Variants in ARGLU1 observed in about 807,000 individuals in gnomAD.
ARGLU1 encodes arginine and glutamate-rich protein 1.
ARGLU1 carries 9 observed loss-of-function variants against 37.6 expected under a neutral mutation model. That is an observed-to-expected ratio of 0.24 (90% CI 0.14 to 0.42). The LOEUF is 0.42. Ranked by LOEUF, ARGLU1 falls within the 10% of genes least tolerant of loss-of-function variation. The probability of loss-of-function intolerance (pLI) is 1.00; values close to 1 mark genes in which losing one functional copy is unlikely to be tolerated. For synonymous variants in ARGLU1, 166 were observed against 138.5 expected, an observed-to-expected ratio of 1.20 and a Z score of -1.39; for missense variants, 211 against 359.2, an observed-to-expected ratio of 0.59 and a Z score of 3.34.
chr13:106,563,041 T>TA (rs1269678833), intron 1 of ARGLU1, among the ~76,000 whole-genome samples: 3 of 146,854 alleles, frequency 2.0e-5, no homozygotes, highest in African/African-American at 7.4e-5. Flanking sequence ...CACTGAACTT[T>TA]AAAATGCTAA....
At chr13:106,556,242 G>A (rs754704564) in intron 3 of ARGLU1, among the ~76,000 whole-genome samples, 4 of 152,052 alleles carry the variant, frequency 2.6e-5, no homozygotes, top group Non-Finnish European at 1.5e-5. Flanking sequence ...ATTCCATTAT[G>A]GCCTTCACAA....
intron 3 of ARGLU1, among the ~76,000 whole-genome samples, chr13:106,549,212 A>G (rs1343620232): frequency 6.6e-6 from 1 of 152,246 alleles, no homozygotes; most frequent in Non-Finnish European, 1.5e-5. Context: ...TTTGAAATAT[A>G]TGTAACTTTA....
chr13:106,564,748 T>C (rs1450914977), intron 1 of ARGLU1, among the ~76,000 whole-genome samples: 2 of 152,178 alleles, frequency 1.3e-5, no homozygotes, highest in Non-Finnish European at 2.9e-5. Context: ...GGCTTCAGTC[T>C]CACATGATCA....
At chr13:106,554,305 AT>A (rs527701342) in intron 3 of ARGLU1, among the ~76,000 whole-genome samples, 79 of 152,276 alleles carry the variant, frequency 5.2e-4, no homozygotes, top group African/African-American at 1.8e-3. Context: ...ATCACCCTTC[AT>A]CATTCATCAC....
At chr13:106,558,050 T>C (rs1344970544) in intron 2 of ARGLU1, 6 of 985,348 alleles carry the variant, frequency 6.1e-6, no homozygotes, top group Non-Finnish European at 7.2e-6. Flanking sequence ...GCTTGAGCAG[T>C]GTTCAGATCA....
intron 3 of ARGLU1, among the ~76,000 whole-genome samples, chr13:106,555,249 C>T (rs1306503153): frequency 2.0e-5 from 3 of 152,024 alleles, no homozygotes; most frequent in South Asian, 2.1e-4. Context: ...CTCAGCTACT[C>T]GGGAGGCTGA....
At chr13:106,553,289 T>C (rs1880581068) in intron 3 of ARGLU1, among the ~76,000 whole-genome samples, 1 of 152,230 alleles carries the variant, frequency 6.6e-6, no homozygotes, top group African/African-American at 2.4e-5. Flanking sequence ...ATTTTGTATT[T>C]AGCTACCTCC....
Position 106,559,644 on chromosome 13 carries a change from T to C in ARGLU1, c.361A>G (p.Ile121Val). Residue 121 changes from isoleucine to valine, a missense_variant, in exon 2 of 4, where the codon ATA becomes GTA. By Grantham distance (29) the Ile-to-Val change is conservative (BLOSUM62 3). This residue lies in a region of ARGLU1 where 130 missense variants were observed against 179.8 expected (regional missense o/e 0.72). Transcript: ENST00000400198. ...TCTTCCTCGATGAGTTTTTCTTCTATTTCTTGCTGTCGACTAGCAAACAAA... is the reference window on the plus strand; with the variant it reads ...TCTTCCTCGATGAGTTTTTCTTCTACTTCTTGCTGTCGACTAGCAAACAAA... ...ERQRKIRQQEIEEKLIEEETA... is the reference protein window; with the variant it reads ...ERQRKIRQQEVEEKLIEEETA... The C allele has an allele frequency of 1.9e-6, 3 of 1,611,598 alleles. No homozygotes were observed. The South Asian group carries it at 3.3e-5, about 18-fold the overall frequency.
At chr13:106,560,837 A>T (rs1457204048) in intron 1 of ARGLU1, among the ~76,000 whole-genome samples, 3 of 152,158 alleles carry the variant, frequency 2.0e-5, no homozygotes, top group Non-Finnish European at 4.4e-5. Context: ...TATATATGAG[A>T]ATCATTCAAT....
chr13:106,566,962 G>A (rs572112400), intron 1 of ARGLU1, among the ~76,000 whole-genome samples: 8 of 151,976 alleles, frequency 5.3e-5, no homozygotes, highest in African/African-American at 1.7e-4. Context: ...TCTCAAGGAA[G>A]GGGTGAGGGT....
At chr13:106,550,911 C>T (rs928194765) in intron 3 of ARGLU1, among the ~76,000 whole-genome samples, 1 of 152,172 alleles carries the variant, frequency 6.6e-6, no homozygotes, top group Non-Finnish European at 1.5e-5. Context: ...TGTCATGTGT[C>T]TTTTTCAGTA....
Position 106,568,095 on chromosome 13 carries a change from A to C in ARGLU1, c.-176T>G. The stretch of plus-strand genomic sequence containing the variant: ...ACAGCTGCCACGAAGGCCGCCTCCA[A>C]CGAGAAACCCGTAGCGCCAGGCGCC... On this transcript the variant is annotated 5_prime_UTR_variant, in exon 1 of 4. Coordinates refer to ENST00000400198, the MANE Select transcript of ARGLU1 (RefSeq NM_018011.4). 1 of 984,886 alleles carries C rather than the reference A, an allele frequency of 1.0e-6. No individual in the cohort carries two copies. Among genetic ancestry groups the C allele is most frequent in the Non-Finnish European group, 1.4e-6 (1 of 714,094 alleles). The allele number at this position is 984,886 out of a possible 1,614,324, so 61.0% of individuals were successfully genotyped here.
rs559569715 is a variant in ARGLU1 at position 106,564,382 on chromosome 13, CAAG to C, written c.347+3188_347+3190del. ...TATCTCCATTTCACAGATTTAAAAA[CAAG>C]GTTAGAGGGAGGTGATTTATTCAGC... On this transcript the variant is annotated intron_variant, in intron 1 of 3. Transcript: ENST00000400198. Among the ~76,000 whole-genome samples, 48 of 152,290 alleles carry C rather than the reference CAAG, an allele frequency of 3.2e-4. No homozygotes were observed. In the East Asian group the frequency reaches 6.4e-3, roughly 20 times the overall value.
At chr13:106,558,100 T>A in intron 2 of ARGLU1, 1 of 985,226 alleles carries the variant, frequency 1.0e-6, no homozygotes, top group Non-Finnish European at 1.2e-6. Flanking sequence ...TTGGAAAGAC[T>A]GTCAGAGGGT....
rs1002724622 is a variant in ARGLU1 at position 106,557,267 on chromosome 13, G to C, written c.574-136C>G. On this transcript the variant is annotated intron_variant, in intron 2 of 3. Coordinates refer to ENST00000400198, the MANE Select transcript of ARGLU1 (RefSeq NM_018011.4). The surrounding 1 kb of genome is among the most constrained non-coding windows in gnomAD (Gnocchi z 5.0). ...TATAGCTACCTTCTGTCTGACAAAT[G>C]ATAAACTGTGCAGTCACTAAAATTG... 1.1e-5 allele frequency: 9 copies of C among 799,814 alleles called. No homozygotes were observed. Among genetic ancestry groups the C allele is most frequent in the African/African-American group, 1.7e-5 (1 of 57,232 alleles). The allele number at this position is 799,814 out of a possible 1,614,324, so 49.5% of individuals were successfully genotyped here. A position where few individuals can be genotyped will look rare whatever the true frequency, so the allele number is the denominator to read the frequency against.
rs114404315 is a variant in ARGLU1 at position 106,549,138 on chromosome 13, T to C, written c.658-4978A>G. Among the ~76,000 whole-genome samples, 274 of 152,306 alleles carry C rather than the reference T, an allele frequency of 1.8e-3. 2 individuals carry two copies. Among genetic ancestry groups the C allele is most frequent in the African/African-American group, 6.4e-3 (267 of 41,552 alleles). ...TCTCCTTCTTAAACTGTCCATAAAT[T>C]TAATCAAGGTAGTTCTTAGCAACAG... is the stretch of plus-strand genomic sequence containing the variant. On this transcript the variant is annotated intron_variant, in intron 3 of 3. Transcript: ENST00000400198.
At chr13:106,554,923 A>G (rs1008426224) in intron 3 of ARGLU1, among the ~76,000 whole-genome samples, 1 of 152,070 alleles carries the variant, frequency 6.6e-6, no homozygotes, top group African/African-American at 2.4e-5. Flanking sequence ...GTATCAATTT[A>G]CTACGCTCCC....
intron 2 of ARGLU1, chr13:106,558,154 G>A (rs957747128): frequency 2.0e-6 from 2 of 984,700 alleles, no homozygotes; most frequent in Non-Finnish European, 2.4e-6. Flanking sequence ...AACAAAAAAA[G>A]CAAATGAAGA....
At chr13:106,556,944 C>T in intron 3 of ARGLU1, 104 bp downstream of exon 3, 3 of 981,284 alleles carry the variant, frequency 3.1e-6, no homozygotes, top group South Asian at 2.8e-5. Flanking sequence ...TGAGAATCCC[C>T]CCAAAATAAG....
Sources: gnomAD v4.1 joint callset for allele counts (sites outside exome capture counted in the v4.1 genomes callset) on GRCh38, gnomAD v4.1.1 for gene constraint, gnomAD v4.1.1 regional missense constraint, Gnocchi (gnomAD v3.1) non-coding constraint, MANE v1.5 for transcripts, NCBI Gene and HGNC (gene_info 2026-07-23, HGNC 2026-07-21) for gene names.